The following NRIP1 variants were observed in gnomAD, a reference collection of about 807,000 sequenced individuals.
The protein encoded by NRIP1 is nuclear receptor-interacting protein 1.
A neutral mutation model predicts 75.0 loss-of-function variants in NRIP1; 28 were observed. The observed-to-expected ratio is 0.37, with a 90% CI of 0.28 to 0.51. The LOEUF (loss-of-function observed/expected upper bound fraction) is 0.51, where lower values mean the gene tolerates loss of function less well. Among genes scored for constraint, NRIP1 ranks in the 20% least tolerant of loss-of-function variants. NRIP1 has a pLI of 0.92. For missense variants in NRIP1, 1,435 were observed against 1,343.7 expected (o/e 1.07, Z -1.06); for synonymous variants, 526 against 487.6 (o/e 1.08, Z -1.04).
chr21:15,033,326 A>T (rs2088755205), intron 2 of NRIP1, among the ~76,000 whole-genome samples: 1 of 145,334 alleles, frequency 6.9e-6, no homozygotes, highest in Non-Finnish European at 1.5e-5. Flanking sequence ...TAACTCTATG[A>T]ATTTATTTCC....
chr21:15,028,482 T>C (rs146714089), intron 2 of NRIP1, among the ~76,000 whole-genome samples: 1,677 of 152,336 alleles, frequency 0.011, 9 homozygotes, highest in South Asian at 0.021. Flanking sequence ...GTCATAAAAC[T>C]ACATCCACAC....
intron 1 of NRIP1, among the ~76,000 whole-genome samples, chr21:15,064,118 G>T (rs1455703795): frequency 3.9e-5 from 6 of 152,236 alleles, no homozygotes. Context: ...GACTTCCACC[G>T]GGCTCACCCT....
chr21:15,034,753 T>C (rs1019424042), intron 2 of NRIP1, among the ~76,000 whole-genome samples: 1 of 151,866 alleles, frequency 6.6e-6, no homozygotes, highest in Non-Finnish European at 1.5e-5. Context: ...CCTAAAAGCA[T>C]GGACCGAGGT....
chr21:14,996,590 A>AT (rs1411557405), intron 3 of NRIP1, among the ~76,000 whole-genome samples: 7 of 152,064 alleles, frequency 4.6e-5, no homozygotes, highest in Non-Finnish European at 7.4e-5. Context: ...TCATTCTGTC[A>AT]TTTTTTGTGC....
intron 3 of NRIP1, among the ~76,000 whole-genome samples, chr21:14,985,771 T>C (rs1248248687): frequency 2.0e-5 from 3 of 152,158 alleles, no homozygotes; most frequent in Non-Finnish European, 4.4e-5. Context: ...TGCTTCAAAA[T>C]ACCAGTTCCA....
intron 1 of NRIP1, among the ~76,000 whole-genome samples, chr21:15,064,271 T>C (rs149335450): frequency 0.026 from 4,021 of 152,292 alleles, 79 homozygotes; most frequent in Non-Finnish European, 0.039. Flanking sequence ...CTTTTCCTAT[T>C]CACTTTCCCA....
chr21:15,023,744 A>C (rs2088436723), intron 2 of NRIP1, among the ~76,000 whole-genome samples: 1 of 152,220 alleles, frequency 6.6e-6, no homozygotes, highest in Non-Finnish European at 1.5e-5. Context: ...AAGAGAAAAA[A>C]TCCTACCACC....
At chr21:15,004,998 T>C (rs1484149649) in intron 3 of NRIP1, among the ~76,000 whole-genome samples, 1 of 152,196 alleles carries the variant, frequency 6.6e-6, no homozygotes, top group Non-Finnish European at 1.5e-5. Flanking sequence ...ATAGATGTCA[T>C]GGGGAGAAAA....
intron 3 of NRIP1, chr21:14,992,618 C>T (rs1192675206): frequency 6.6e-6 from 1 of 152,026 alleles, no homozygotes; most frequent in Non-Finnish European, 1.5e-5. Flanking sequence ...TCCTCCCGCT[C>T]ACTGCCCCCC....
intron 3 of NRIP1, among the ~76,000 whole-genome samples, chr21:14,980,148 C>T (rs1237091049): frequency 2.0e-5 from 3 of 152,018 alleles, no homozygotes; most frequent in African/African-American, 7.3e-5. Flanking sequence ...CTTTAGTTAT[C>T]AACAATGACA....
intron 3 of NRIP1, among the ~76,000 whole-genome samples, chr21:14,993,815 C>T (rs1311574851): frequency 6.6e-6 from 1 of 152,004 alleles, no homozygotes. Flanking sequence ...TATACAACGT[C>T]CAATCCAACA....
intron 1 of NRIP1, among the ~76,000 whole-genome samples, chr21:15,057,784 T>C (rs141503808): frequency 2.2e-3 from 333 of 152,298 alleles, no homozygotes; most frequent in African/African-American, 7.3e-3. Flanking sequence ...TTTCCTTATC[T>C]CTAAACTAGA....
rs7282268 is a variant in NRIP1 at position 14,972,701 on chromosome 21, G to A, written c.-334-4175C>T. ...TTTTGGCACCAGAGACTGGTTTCAT[G>A]GAAGATAATTTTTGCATGGAGTAGC... On this transcript the variant is annotated intron_variant, in intron 3 of 3. Transcript: ENST00000318948. Among the ~76,000 whole-genome samples the A allele has an allele frequency of 2.3e-3, 354 of 152,310 alleles. 2 individuals are homozygous for A. Among genetic ancestry groups the A allele is most frequent in the African/African-American group, 8.0e-3 (333 of 41,570 alleles).
chr21:15,053,078 T>C (rs2147377489), intron 1 of NRIP1, among the ~76,000 whole-genome samples: 1 of 152,356 alleles, frequency 6.6e-6, no homozygotes, highest in Non-Finnish European at 1.5e-5. Flanking sequence ...AGCTTTTGCC[T>C]TTAGCAACCC....
At chr21:14,983,807 GAAC>G (rs762162404) in intron 3 of NRIP1, among the ~76,000 whole-genome samples, 2 of 152,072 alleles carry the variant, frequency 1.3e-5, no homozygotes, top group South Asian at 2.1e-4. Context: ...TACATAAATG[GAAC>G]AACAAAGCCT....
intron 2 of NRIP1, among the ~76,000 whole-genome samples, chr21:15,041,508 G>T (rs2088953596): frequency 6.6e-6 from 1 of 152,038 alleles, no homozygotes; most frequent in African/African-American, 2.4e-5. Context: ...CTTCTTAAAA[G>T]GACCTTATGC....
chr21:15,041,766 C>T (rs557245139), intron 2 of NRIP1, among the ~76,000 whole-genome samples: 10 of 152,066 alleles, frequency 6.6e-5, no homozygotes, highest in East Asian at 5.8e-4. Flanking sequence ...AATGTTTATA[C>T]GAAATATTTA....
At chr21:15,045,067 C>G (rs1254969701) in intron 1 of NRIP1, among the ~76,000 whole-genome samples, 2 of 152,208 alleles carry the variant, frequency 1.3e-5, no homozygotes, top group South Asian at 4.1e-4. Flanking sequence ...CATTCTCTCT[C>G]TCATCCACTC....
At chr21:14,988,006 C>T (rs181647047) in intron 3 of NRIP1, 1 of 152,290 alleles carries the variant, frequency 6.6e-6, no homozygotes, top group East Asian at 1.9e-4. Flanking sequence ...ATGCAGCACT[C>T]TGAGAATTCT....
Sources: gnomAD v4.1 joint callset for allele counts (sites outside exome capture counted in the v4.1 genomes callset) on GRCh38, gnomAD v4.1.1 for gene constraint, MANE v1.5 for transcripts, NCBI Gene and HGNC (gene_info 2026-07-23, HGNC 2026-07-21) for gene names.